Variants in ENAM observed in about 807,000 individuals in gnomAD.
ENAM encodes enamelin, also known as amelogenesis imperfecta 2, hypocalcification (autosomal dominant).
Under a neutral mutation model 33.6 loss-of-function variants are expected in ENAM, and 21 were observed. The observed-to-expected ratio is 0.63, with a 90% confidence interval of 0.44 to 0.90. The LOEUF is 0.90. Ranked by LOEUF, ENAM falls within the 40% of genes least tolerant of loss-of-function variation. The pLI is 0.00. For synonymous variants in ENAM, 473 were observed against 468.4 expected (o/e 1.01, Z -0.13); for missense variants, 1,388 against 1,366.9 (o/e 1.02, Z -0.24).
intron 7 of ENAM, among the ~76,000 whole-genome samples, chr4:70,636,976 CTGTT>C (rs1384693004): frequency 6.6e-6 from 1 of 152,208 alleles, no homozygotes; most frequent in African/African-American, 2.4e-5. Context: ...TATTTGTTGA[CTGTT>C]CATTCAGCTA....
intron 6 of ENAM, 103 bp from the exon 7 acceptor site, chr4:70,635,729 G>A (rs1738434537): frequency 2.6e-6 from 2 of 759,586 alleles, no homozygotes; most frequent in African/African-American, 1.7e-5. Flanking sequence ...AATGCAAAGG[G>A]AGATGTAGAC....
At position 70,629,413 on chromosome 4, in the gene ENAM, A is replaced by G. The variant is rs1577966902; in HGVS notation, c.-60-28A>G. ...GAACTGAAGCTTTGCTATTCATTTCATTTATTTGTTCCATTTCTATATTTT... is the reference window on the plus strand; with the variant it reads ...GAACTGAAGCTTTGCTATTCATTTCGTTTATTTGTTCCATTTCTATATTTT... On this transcript the variant is annotated intron_variant, in intron 1 of 8. Coordinates refer to ENST00000396073, the MANE Select transcript of ENAM (RefSeq NM_031889.3). 2.9e-5 allele frequency: 28 copies of G among 959,368 alleles called. No homozygotes were observed. The East Asian group carries it at 4.8e-4, about 16-fold the overall frequency. The allele number at this position is 959,368 out of a possible 1,614,324, so 59.4% of individuals were successfully genotyped here.
intron 8 of ENAM, among the ~76,000 whole-genome samples, chr4:70,640,172 G>A (rs1340639655): frequency 2.6e-5 from 4 of 152,160 alleles, no homozygotes; most frequent in African/African-American, 7.2e-5. Context: ...ACAAGGATGA[G>A]AAGCATAATG....
rs1738715313 is a variant in ENAM at position 70,644,809 on chromosome 4, C to T, written c.3383C>T (p.Thr1128Ile). 4 of 1,614,116 alleles carry T rather than the reference C, an allele frequency of 2.5e-6. No individual in the cohort carries two copies. Among genetic ancestry groups the T allele is most frequent in the Non-Finnish European group, 3.4e-6 (4 of 1,179,988 alleles). ...HSPFEFLQRGTNVQDQVQDCL... is the reference protein window; with the variant it reads ...HSPFEFLQRGINVQDQVQDCL... ...CCATTTGAATTCCTTCAAAGAGGGACCAATGTACAGGACCAGGTACAAGAC... is the reference window on the plus strand; with the variant it reads ...CCATTTGAATTCCTTCAAAGAGGGATCAATGTACAGGACCAGGTACAAGAC... The change falls in exon 9 of 9, where the codon ACC becomes ATC. Residue 1128 changes from threonine (T) to isoleucine (I), a missense_variant. Physicochemically the swap from Thr to Ile is moderately conservative, Grantham distance 89. Coordinates refer to ENST00000396073, the MANE Select transcript of ENAM (RefSeq NM_031889.3).
chr4:70,637,312 A>G (rs1386672114), intron 7 of ENAM, among the ~76,000 whole-genome samples: 1 of 152,230 alleles, frequency 6.6e-6, no homozygotes, highest in Non-Finnish European at 1.5e-5. Context: ...AAGGATTGTC[A>G]GTTTGGAGTT....
At chr4:70,630,377 A>T (rs1215606204) in intron 2 of ENAM, among the ~76,000 whole-genome samples, 1 of 152,192 alleles carries the variant, frequency 6.6e-6, no homozygotes, top group Non-Finnish European at 1.5e-5. Context: ...AAAACAACTG[A>T]GTGTCTACAT....
At position 70,642,467 on chromosome 4, in the gene ENAM, G is replaced by C. The variant is rs745986328; in HGVS notation, c.1041G>C (p.Arg347Ser). Residue 347 changes from arginine to serine, a missense_variant, in exon 9 of 9, where the codon AGG becomes AGC. Physicochemically the swap from Arg to Ser is moderately radical, Grantham distance 110 (BLOSUM62 -1). Transcript: ENST00000396073. ...TGTVMGHRQNRPFYRNQQVQR... is the reference protein window; with the variant it reads ...TGTVMGHRQNSPFYRNQQVQR... ...CTGTCATGGGGCACAGACAGAATAG[G>C]CCTTTTTACAGAAATCAACAAGTTC... 2 of 1,614,046 alleles carry C rather than the reference G, an allele frequency of 1.2e-6. No individual in the cohort carries two copies. The highest frequency in any genetic ancestry group is 8.5e-7 in the Non-Finnish European group (1 of 1,179,972).
Position 70,645,231 on chromosome 4 carries a change from C to T in ENAM, c.*376C>T. 7.9e-5 allele frequency: 24 copies of T among 303,656 alleles called. No individual in the cohort carries two copies. Among genetic ancestry groups the T allele is most frequent in the South Asian group, 3.0e-4 (3 of 10,034 alleles). 18.8% of individuals were successfully genotyped at this position (303,656 alleles called of 1,614,324 possible). Reference sequence around the variant, plus strand: ...CTGAAAGGCAGATTAACTTTCCATTCTACTTATGGAGATCCACACATCAGT... The same window carrying T: ...CTGAAAGGCAGATTAACTTTCCATTTTACTTATGGAGATCCACACATCAGT... On this transcript the variant is annotated 3_prime_UTR_variant, in exon 9 of 9. Transcript: ENST00000396073.
Position 70,637,943 on chromosome 4 carries a change from A to G in ENAM, c.588+100A>G, listed in dbSNP as rs1738500239. 3.3e-6 allele frequency: 3 copies of G among 903,506 alleles called. No individual in the cohort carries two copies. In the East Asian group the frequency reaches 7.2e-5, roughly 22 times the overall value. The allele number at this position is 903,506 out of a possible 1,614,324, so 56.0% of individuals were successfully genotyped here. ...TAAGAAAGTTAAAATCCAACACATG[A>G]ACCTGTAGCTCAAGCTTCCGTGATT... On this transcript the variant is annotated intron_variant, in intron 8 of 8. Coordinates refer to ENST00000396073, the MANE Select transcript of ENAM (RefSeq NM_031889.3).
In ENAM at chr4:70,643,303, C is replaced by G; in HGVS notation, c.1877C>G (p.Ser626Cys). ...AATACATGGGATGAGAGAGATGATT[C>G]TCCCAATACTATGGGGCAAAAAGAA... ...RGNTWDERDDSPNTMGQKESP... is the reference protein window; with the variant it reads ...RGNTWDERDDCPNTMGQKESP... The change falls in exon 9 of 9, where the codon TCT becomes TGT. Residue 626 changes from serine to cysteine, a missense_variant. Transcript: ENST00000396073. The G allele has an allele frequency of 1.2e-6, 2 of 1,613,894 alleles. No homozygotes were observed. The highest frequency in any genetic ancestry group is 1.7e-6 in the Non-Finnish European group (2 of 1,179,866).
intron 3 of ENAM, 37 bp from the exon 4 acceptor site, chr4:70,631,812 T>G (rs951703436): frequency 6.2e-7 from 1 of 1,612,522 alleles, no homozygotes; most frequent in African/African-American, 1.3e-5. Context: ...TTTCAACTGA[T>G]GTTCTGCATT....
chr4:70,635,880 T>G lies in ENAM; in HGVS notation c.520T>G (p.Trp174Gly). Residue 174 changes from tryptophan to glycine, a missense_variant, in exon 7 of 9, where the codon TGG (tryptophan) becomes GGG (glycine). Physicochemically the swap from Trp to Gly is radical, Grantham distance 184. Coordinates refer to ENST00000396073, the MANE Select transcript of ENAM (RefSeq NM_031889.3). ...GCTATTCCCCTATCAACAACCACCA[T>G]GGCAAATTCCACAGGTGAGAAATTT... ...NGLFPYQQPP[W>G]QIPQRLPPPG... is the part of the protein sequence containing the mutation. The G allele has an allele frequency of 6.2e-7, 1 of 1,605,272 alleles. No homozygotes were observed.
Position 70,643,824 on chromosome 4 carries a change from C to T in ENAM, c.2398C>T (p.Pro800Ser). The T allele has an allele frequency of 6.2e-7, 1 of 1,614,168 alleles. No homozygotes were observed. Among genetic ancestry groups the T allele is most frequent in the Non-Finnish European group, 8.5e-7 (1 of 1,180,032 alleles). ...ATHLQKAPARPPDQKGNQPYY... is the reference protein window; with the variant it reads ...ATHLQKAPARSPDQKGNQPYY... ...ACATTTACAAAAAGCCCCAGCTAGG[C>T]CACCAGACCAGAAAGGTAACCAGCC... Residue 800 changes from proline (P) to serine (S), a missense_variant, in exon 9 of 9, where the codon CCA (proline) becomes TCA (serine). Transcript: ENST00000396073.
At chr4:70,641,987 T>C (rs1738608646) in intron 8 of ENAM, 28 bp from the exon 9 acceptor site, 1 of 1,552,942 alleles carries the variant, frequency 6.4e-7, no homozygotes, top group Non-Finnish European at 8.9e-7. Context: ...CAAAGGGCAA[T>C]TATTGATTTC....
At chr4:70,630,280 T>C (rs1226237444) in intron 2 of ENAM, among the ~76,000 whole-genome samples, 2 of 152,142 alleles carry the variant, frequency 1.3e-5, no homozygotes, top group Non-Finnish European at 2.9e-5. Flanking sequence ...GTTGCTCCTA[T>C]AGGAAGTAAA....
chr4:70,632,629 T>G, intron 4 of ENAM, 22 bp from the exon 5 acceptor site: 1 of 1,551,828 alleles, frequency 6.4e-7, no homozygotes, highest in Non-Finnish European at 8.9e-7. Flanking sequence ...TGTATCACAT[T>G]AATGGATTCC....
In ENAM at chr4:70,631,760, G is replaced by A. The variant is rs191550806; in HGVS notation, c.123+22G>A. The A allele has an allele frequency of 8.7e-6, 14 of 1,610,136 alleles. 1 individual carries two copies. The African/African-American group carries it at 1.3e-4, about 15-fold the overall frequency. Reference sequence around the variant, plus strand: ...GCCAGTGAGTATTTTTTAAATGTTAGCTCTTCTCTTTGTGTTCCGTTAGGA... The same window carrying A: ...GCCAGTGAGTATTTTTTAAATGTTAACTCTTCTCTTTGTGTTCCGTTAGGA... On this transcript the variant is annotated intron_variant, in intron 3 of 8. Transcript: ENST00000396073.
intron 8 of ENAM, among the ~76,000 whole-genome samples, chr4:70,639,297 C>T (rs1484856822): frequency 6.6e-6 from 1 of 152,040 alleles, no homozygotes; most frequent in Non-Finnish European, 1.5e-5. Context: ...CTTTAAGAAG[C>T]TTTTATTTAG....
Position 70,644,233 on chromosome 4 carries a change from C to T in ENAM, c.2807C>T (p.Ser936Leu). The T allele has an allele frequency of 6.2e-7, 1 of 1,614,146 alleles. No homozygotes were observed. Among genetic ancestry groups the T allele is most frequent in the Non-Finnish European group, 8.5e-7 (1 of 1,180,014 alleles). ...TSILPGQRNS[S>L]EKRESQNPFR... ...ATCCTACCAGGCCAAAGAAACAGCTCAGAGAAGAGGGAAAGCCAAAACCCT... is the reference window on the plus strand; with the variant it reads ...ATCCTACCAGGCCAAAGAAACAGCTTAGAGAAGAGGGAAAGCCAAAACCCT... The change falls in exon 9 of 9, where the codon TCA (serine) becomes TTA (leucine). Residue 936 changes from serine to leucine, a missense_variant. Transcript: ENST00000396073.
Sources: gnomAD v4.1 joint callset for allele counts (sites outside exome capture counted in the v4.1 genomes callset) on GRCh38, gnomAD v4.1.1 for gene constraint, MANE v1.5 for transcripts, NCBI Gene and HGNC (gene_info 2026-07-23, HGNC 2026-07-21) for gene names.